BRINP3: variants seen among roughly 807,000 people sequenced by gnomAD.
The protein encoded by BRINP3 is BMP/retinoic acid-inducible neural-specific protein 3.
A neutral mutation model predicts 71.0 loss-of-function variants in BRINP3; 19 were observed. That is an observed-to-expected ratio of 0.27 (90% CI 0.19 to 0.39). The LOEUF (loss-of-function observed/expected upper bound fraction) is 0.39. BRINP3 is among the 10% of genes least tolerant of loss of function. BRINP3 has a pLI of 1.00. For missense variants in BRINP3, 959 were observed against 940.8 expected (o/e 1.02, Z -0.25); for synonymous variants, 380 against 337.7 (o/e 1.13, Z -1.37).
chr1:190,345,388 G>A lies in BRINP3; in HGVS notation c.237-63638C>T, dbSNP rs557618982. ...AGAATCGAAATAAAACCAAGACCTG[G>A]AATCAGGAAGAACATTGGAATCAGA... On this transcript the variant is annotated intron_variant, in intron 2 of 7. Transcript: ENST00000367462. Among the ~76,000 whole-genome samples the A allele has an allele frequency of 2.1e-4, 32 of 151,830 alleles. No individual in the cohort carries two copies. The East Asian group carries it at 5.4e-3, about 26-fold the overall frequency.
intron 2 of BRINP3, among the ~76,000 whole-genome samples, chr1:190,435,586 C>G (rs1165209693): frequency 6.6e-6 from 1 of 152,040 alleles, no homozygotes; most frequent in East Asian, 1.9e-4. Context: ...TAACTCACAA[C>G]AATGTCATGA....
intron 2 of BRINP3, among the ~76,000 whole-genome samples, chr1:190,285,897 A>T (rs1330686759): frequency 6.6e-6 from 1 of 152,110 alleles, no homozygotes. Context: ...TTTCATCCAG[A>T]TGCTTTATGT....
intron 2 of BRINP3, among the ~76,000 whole-genome samples, chr1:190,451,569 T>C (rs1467282576): frequency 6.6e-6 from 1 of 152,090 alleles, no homozygotes; most frequent in African/African-American, 2.4e-5. Context: ...AAAACACTTT[T>C]AGAAATGCCT....
chr1:190,388,581 A>AT (rs1482054279), intron 2 of BRINP3, among the ~76,000 whole-genome samples: 2 of 151,786 alleles, frequency 1.3e-5, no homozygotes, highest in East Asian at 3.9e-4. Flanking sequence ...TAAAGCTGTG[A>AT]AGAGGTAGAG....
chr1:190,115,973 T>C (rs930544309), intron 7 of BRINP3, among the ~76,000 whole-genome samples: 1 of 152,146 alleles, frequency 6.6e-6, no homozygotes, highest in African/African-American at 2.4e-5. Flanking sequence ...GAGAGTTATA[T>C]TGTGCATATT....
chr1:190,448,885 A>T (rs1047456874), intron 2 of BRINP3, among the ~76,000 whole-genome samples: 3 of 151,932 alleles, frequency 2.0e-5, no homozygotes, highest in African/African-American at 7.2e-5. Flanking sequence ...CAAAATACAC[A>T]TGAAGCTTTT....
At chr1:190,388,634 A>C (rs1671060718) in intron 2 of BRINP3, among the ~76,000 whole-genome samples, 1 of 151,784 alleles carries the variant, frequency 6.6e-6, no homozygotes, top group Non-Finnish European at 1.5e-5. Flanking sequence ...GTGGCCCCAC[A>C]GACTACTTGA....
intron 7 of BRINP3, among the ~76,000 whole-genome samples, chr1:190,157,723 A>G (rs1183087103): frequency 1.3e-5 from 2 of 152,104 alleles, no homozygotes; most frequent in Non-Finnish European, 2.9e-5. Flanking sequence ...ACACAAAAAG[A>G]CATATTAAAT....
At position 190,103,386 on chromosome 1, in the gene BRINP3, T is replaced by C. The variant is rs553386319; in HGVS notation, c.1185-4252A>G. Among the ~76,000 whole-genome samples the C allele has an allele frequency of 7.2e-5, 11 of 152,024 alleles. No individual in the cohort carries two copies. In the East Asian group the frequency reaches 1.2e-3, roughly 16 times the overall value. ...ACAACATGAATTAAATGTTTGACTATACATTTTTTTTGTTTTAAAGAAAAT... is the reference window on the plus strand; with the variant it reads ...ACAACATGAATTAAATGTTTGACTACACATTTTTTTTGTTTTAAAGAAAAT... On this transcript the variant is annotated intron_variant, in intron 7 of 7. Coordinates refer to ENST00000367462, the MANE Select transcript of BRINP3 (RefSeq NM_199051.3).
At chr1:190,343,376 C>T (rs1667796769) in intron 2 of BRINP3, among the ~76,000 whole-genome samples, 1 of 151,698 alleles carries the variant, frequency 6.6e-6, no homozygotes, top group South Asian at 2.1e-4. Flanking sequence ...AAAGTGAAAA[C>T]AAAACCAAAT....
chr1:190,436,789 A>T (rs1674486851), intron 2 of BRINP3, among the ~76,000 whole-genome samples: 1 of 151,832 alleles, frequency 6.6e-6, no homozygotes, highest in Admixed American at 6.6e-5. Flanking sequence ...AGTTAATCTG[A>T]ACTACAGACA....
intron 6 of BRINP3, among the ~76,000 whole-genome samples, chr1:190,178,121 A>T (rs1396730397): frequency 6.6e-6 from 1 of 152,166 alleles, no homozygotes; most frequent in Non-Finnish European, 1.5e-5. Context: ...CCTGGATACC[A>T]AGAGACTGTA....
At chr1:190,245,494 C>T (rs1160549099) in intron 4 of BRINP3, among the ~76,000 whole-genome samples, 2 of 151,978 alleles carry the variant, frequency 1.3e-5, no homozygotes, top group East Asian at 3.9e-4. Flanking sequence ...TCATATTATG[C>T]AGTGCTGCCC....
At chr1:190,323,635 T>C (rs934566977) in intron 2 of BRINP3, among the ~76,000 whole-genome samples, 2 of 151,604 alleles carry the variant, frequency 1.3e-5, no homozygotes, top group African/African-American at 2.4e-5. Context: ...TTATTTTGCA[T>C]TAAGGCTGCT....
chr1:190,256,120 G>A (rs1354729762), intron 4 of BRINP3, among the ~76,000 whole-genome samples: 1 of 152,156 alleles, frequency 6.6e-6, no homozygotes, highest in African/African-American at 2.4e-5. Context: ...TGATTGCACT[G>A]TGGTCTGAGA....
intron 2 of BRINP3, among the ~76,000 whole-genome samples, chr1:190,299,497 T>C (rs1483811077): frequency 6.6e-6 from 1 of 151,694 alleles, no homozygotes; most frequent in African/African-American, 2.4e-5. Flanking sequence ...GTTAGTTACA[T>C]ATGTATCCAT....
intron 2 of BRINP3, among the ~76,000 whole-genome samples, chr1:190,392,081 GA>G (rs1310707205): frequency 1.3e-5 from 2 of 150,952 alleles, no homozygotes; most frequent in Admixed American, 6.6e-5. Flanking sequence ...TGATTTAATT[GA>G]AAGACTCTTC....
chr1:190,106,512 T>C (rs948771359), intron 7 of BRINP3, among the ~76,000 whole-genome samples: 1 of 151,492 alleles, frequency 6.6e-6, no homozygotes, highest in African/African-American at 2.4e-5. Context: ...CCTTCATAGA[T>C]CTGTTCGTCT....
chr1:190,228,657 TTTAGGGACGCAGCGC>T (rs1426364151), intron 5 of BRINP3, among the ~76,000 whole-genome samples: 9 of 151,174 alleles, frequency 6.0e-5, no homozygotes, highest in African/African-American at 1.9e-4. Flanking sequence ...AGAAAAGAGG[TTTAGGGACGCAGCGC>T]TCAAAACACT....
Sources: allele counts gnomAD v4.1 joint callset (sites outside exome capture counted in the v4.1 genomes callset), GRCh38; gene constraint gnomAD v4.1.1; transcripts MANE v1.5; gene names NCBI Gene and HGNC (gene_info 2026-07-23, HGNC 2026-07-21).